Variants in USH2A observed in about 807,000 individuals in gnomAD.
The protein encoded by USH2A is usherin, also known as Usher syndrome 2A (autosomal recessive, mild).
A neutral mutation model predicts 538.9 loss-of-function variants in USH2A; 443 were observed. That is an observed-to-expected ratio of 0.82 (90% CI 0.76 to 0.89). The LOEUF (loss-of-function observed/expected upper bound fraction) is 0.89. USH2A is among the 40% of genes least tolerant of loss of function. The pLI is 0.00. For synonymous variants in USH2A, 2,413 were observed against 2,273.5 expected (o/e 1.06, Z -1.75); for missense variants, 6,633 against 6,324.8 (o/e 1.05, Z -1.65).
intron 4 of USH2A, among the ~76,000 whole-genome samples, chr1:216,360,566 A>T (rs574084091): frequency 6.6e-6 from 1 of 152,170 alleles, no homozygotes; most frequent in South Asian, 2.1e-4. Flanking sequence ...AGGTTCATCA[A>T]TTGTAACAAA....
At chr1:215,740,771 T>C (rs891502800) in intron 60 of USH2A, among the ~76,000 whole-genome samples, 1 of 152,218 alleles carries the variant, frequency 6.6e-6, no homozygotes, top group Admixed American at 6.5e-5. Flanking sequence ...ACAATTTTTC[T>C]ACACACTGGG....
intron 61 of USH2A, among the ~76,000 whole-genome samples, chr1:215,722,035 A>C (rs1439058963): frequency 6.6e-6 from 1 of 150,560 alleles, no homozygotes; most frequent in Non-Finnish European, 1.5e-5. Flanking sequence ...ACTGCACTGC[A>C]GCCTGTGTGA....
intron 32 of USH2A, among the ~76,000 whole-genome samples, chr1:216,015,587 C>T (rs12145019): frequency 0.14 from 20,649 of 152,190 alleles, 1,488 homozygotes; most frequent in Middle Eastern, 0.21. Flanking sequence ...TTTGAGGAAT[C>T]GCCACACTGT....
intron 26 of USH2A, among the ~76,000 whole-genome samples, chr1:216,082,115 G>A (rs934060346): frequency 6.6e-6 from 1 of 152,008 alleles, no homozygotes; most frequent in Non-Finnish European, 1.5e-5. Context: ...ATGACTCAAC[G>A]ATGCTCAGTG....
At position 216,003,063 on chromosome 1, in the gene USH2A, C is replaced by T. The variant is rs1036159963; in HGVS notation, c.6326-2501G>A. On this transcript the variant is annotated intron_variant, in intron 32 of 71. Coordinates refer to ENST00000307340, the MANE Select transcript of USH2A (RefSeq NM_206933.4). ...AGCAATTAGTTCAGGATTTGTTATC[C>T]GTGCCCGGATTCTTCCATGGAGTGG... 4.6e-5 allele frequency among the ~76,000 whole-genome samples: 7 copies of T among 152,132 alleles called. No individual in the cohort carries two copies. The South Asian group carries it at 6.3e-4, about 14-fold the overall frequency.
chr1:215,899,214 T>C (rs767577339), intron 40 of USH2A, among the ~76,000 whole-genome samples: 9 of 152,202 alleles, frequency 5.9e-5, no homozygotes, highest in Non-Finnish European at 1.3e-4. Context: ...ATCTAGGCTT[T>C]TGAAAGTCAC....
chr1:216,017,746 C>T (rs998903448), intron 32 of USH2A, among the ~76,000 whole-genome samples: 1 of 152,160 alleles, frequency 6.6e-6, no homozygotes, highest in Non-Finnish European at 1.5e-5. Flanking sequence ...TCACTGACTG[C>T]TACTTGCTGT....
intron 60 of USH2A, among the ~76,000 whole-genome samples, chr1:215,738,409 A>C (rs985842997): frequency 1.4e-4 from 21 of 152,136 alleles, no homozygotes; most frequent in African/African-American, 5.1e-4. Context: ...GCTTAAACAG[A>C]TAAACTAAGC....
intron 3 of USH2A, among the ~76,000 whole-genome samples, chr1:216,407,667 ACTGTTCTTC>A (rs2039418087): frequency 6.6e-6 from 1 of 152,274 alleles, no homozygotes; most frequent in East Asian, 1.9e-4. Flanking sequence ...TTATATGCAC[ACTGTTCTTC>A]CTGACGTTAG....
intron 61 of USH2A, among the ~76,000 whole-genome samples, chr1:215,726,593 C>T (rs759939780): frequency 6.6e-6 from 1 of 152,022 alleles, no homozygotes; most frequent in South Asian, 2.1e-4. Context: ...TGTAAATTGG[C>T]CTTCCAGGAT....
chr1:215,638,808 C>G (rs1370584918), intron 69 of USH2A, among the ~76,000 whole-genome samples: 1 of 151,450 alleles, frequency 6.6e-6, no homozygotes, highest in Non-Finnish European at 1.5e-5. Context: ...GAAACCATGT[C>G]TCTACTAAAA....
rs1384240598 is a variant in USH2A, at chr1:216,323,488, G to A, written c.1536C>T (p.Ile512=). 5 of 1,613,286 alleles carry A rather than the reference G, an allele frequency of 3.1e-6. No individual in the cohort carries two copies. Among genetic ancestry groups the A allele is most frequent in the Middle Eastern group, 1.7e-4 (1 of 6,050 alleles). ...CATAATAATACCTCCCACTAATGGT[G>A]ATTTCGTCCACTGCATAATATCTGT... is the stretch of plus-strand genomic sequence containing the variant. ...LRHRYYAVDE[I]TISGRCQCHG... The change falls in exon 8 of 72, where the codon ATC becomes ATT. Residue 512 remains isoleucine, a synonymous_variant. Coordinates refer to ENST00000307340, the MANE Select transcript of USH2A (RefSeq NM_206933.4).
rs371057959 is a variant in USH2A, at chr1:215,888,996, G to T, written c.7653C>A (p.Val2551=). The change falls in exon 41 of 72, where the codon GTC becomes GTA. Residue 2551 remains valine (V), a synonymous_variant. Coordinates refer to ENST00000307340, the MANE Select transcript of USH2A (RefSeq NM_206933.4). ...LLDVKSRMML[V]TWQHPRKSNG... is the part of the protein sequence containing the mutation. ...TGGATTTTCTAGGATGCTGCCAGGTGACCAACATCATTCTTGACTTCACAT... is the reference window on the plus strand; with the variant it reads ...TGGATTTTCTAGGATGCTGCCAGGTTACCAACATCATTCTTGACTTCACAT... The T allele has an allele frequency of 6.2e-7, 1 of 1,614,000 alleles. No individual in the cohort carries two copies. Among genetic ancestry groups the T allele is most frequent in the South Asian group, 1.1e-5 (1 of 91,066 alleles).
chr1:216,369,317 C>A (rs2038658427), intron 3 of USH2A, among the ~76,000 whole-genome samples: 1 of 152,016 alleles, frequency 6.6e-6, no homozygotes, highest in South Asian at 2.1e-4. Context: ...ACGTGGAATC[C>A]CCACACATCC....
intron 38 of USH2A, among the ~76,000 whole-genome samples, chr1:215,902,555 T>C (rs1665529759): frequency 6.6e-6 from 1 of 152,106 alleles, no homozygotes; most frequent in Admixed American, 6.6e-5. Context: ...GAATACTGTG[T>C]ATACAATAAT....
At chr1:216,353,044 C>T (rs2038315518) in intron 4 of USH2A, among the ~76,000 whole-genome samples, 2 of 151,832 alleles carry the variant, frequency 1.3e-5, no homozygotes, top group South Asian at 2.1e-4. Flanking sequence ...TTAACCTATG[C>T]TGTGGTAGTG....
rs142785610 is a variant in USH2A at position 216,052,485 on chromosome 1, T to C, written c.6050-3838A>G. Among the ~76,000 whole-genome samples, 982 of 152,312 alleles carry C rather than the reference T, an allele frequency of 6.4e-3. 15 individuals carry two copies. Among genetic ancestry groups the C allele is most frequent in the African/African-American group, 0.022 (923 of 41,568 alleles). On this transcript the variant is annotated intron_variant, in intron 30 of 71. Transcript: ENST00000307340. ...ACACTTTCAAAAAATGTGCTGCATT[T>C]TCTAAGGCTGGAGTGCCATTTCTTT... is the stretch of plus-strand genomic sequence containing the variant.
intron 35 of USH2A, among the ~76,000 whole-genome samples, chr1:215,987,394 T>G (rs1389982068): frequency 6.6e-6 from 1 of 152,186 alleles, no homozygotes; most frequent in Non-Finnish European, 1.5e-5. Flanking sequence ...AGGGTTCCTA[T>G]AGACCTTGGA....
intron 11 of USH2A, among the ~76,000 whole-genome samples, chr1:216,253,799 A>G (rs2036208378): frequency 6.6e-6 from 1 of 152,232 alleles, no homozygotes; most frequent in Non-Finnish European, 1.5e-5. Context: ...GGGGTAAAAG[A>G]GGAATTAAAT....
Sources: allele counts gnomAD v4.1 joint callset (sites outside exome capture counted in the v4.1 genomes callset), GRCh38; gene constraint gnomAD v4.1.1; transcripts MANE v1.5; gene names NCBI Gene and HGNC (gene_info 2026-07-23, HGNC 2026-07-21).